ACYP2: variants seen among roughly 807,000 people sequenced by gnomAD.
The protein encoded by ACYP2 is acylphosphatase 2.
Under a neutral mutation model 11.2 loss-of-function variants are expected in ACYP2, and 12 were observed. The observed-to-expected ratio is 1.08, with a 90% CI of 0.69 to 1.74. The LOEUF (loss-of-function observed/expected upper bound fraction) is 1.74. Among genes scored for constraint, ACYP2 ranks in the 40% most tolerant of loss-of-function variants. ACYP2 has a pLI of 0.00. For missense variants in ACYP2, 134 were observed against 101.9 expected, an observed-to-expected ratio of 1.31 and a Z score of -1.35; for synonymous variants, 43 against 32.2, an observed-to-expected ratio of 1.33 and a Z score of -1.13.
At chr2:54,200,133 G>C (rs2103905383) in intron 6 of ACYP2, among the ~76,000 whole-genome samples, 1 of 152,276 alleles carries the variant, frequency 6.6e-6, no homozygotes, top group South Asian at 2.1e-4. Flanking sequence ...AAGATGTGGA[G>C]TCAAAAAATC....
chr2:54,085,147 G>T (rs925835675), intron 4 of ACYP2: 3 of 152,200 alleles, frequency 2.0e-5, no homozygotes, highest in African/African-American at 7.2e-5. Flanking sequence ...ATATATTCCT[G>T]GTCAGGGCCA....
chr2:54,257,053 T>G (rs1274467864), intron 6 of ACYP2, among the ~76,000 whole-genome samples: 3 of 152,122 alleles, frequency 2.0e-5, no homozygotes, highest in African/African-American at 7.2e-5. Context: ...CCCCTTTACC[T>G]TAGTGTTTTT....
intron 4 of ACYP2, chr2:54,115,706 C>T (rs760334974): frequency 1.2e-6 from 2 of 1,612,772 alleles, no homozygotes; most frequent in South Asian, 1.1e-5. Flanking sequence ...GCCATGTCTA[C>T]CGCCCAGTCA....
At chr2:54,124,473 G>C (rs894701199) in intron 4 of ACYP2, among the ~76,000 whole-genome samples, 2 of 152,160 alleles carry the variant, frequency 1.3e-5, no homozygotes, top group Non-Finnish European at 2.9e-5. Flanking sequence ...TGGGATTACA[G>C]GTGTGAGCCA....
intron 6 of ACYP2, among the ~76,000 whole-genome samples, chr2:54,171,546 T>C (rs534117159): frequency 1.3e-5 from 2 of 152,348 alleles, no homozygotes; most frequent in East Asian, 1.9e-4. Context: ...GCTAAATACA[T>C]TATTAACCTG....
At chr2:54,023,584 A>T (rs1391662766) in intron 2 of ACYP2, among the ~76,000 whole-genome samples, 1 of 152,098 alleles carries the variant, frequency 6.6e-6, no homozygotes, top group Non-Finnish European at 1.5e-5. Flanking sequence ...TTGCATTGTG[A>T]CTTGATTTGC....
At chr2:54,068,422 A>G (rs566542051) in intron 4 of ACYP2, among the ~76,000 whole-genome samples, 9 of 152,308 alleles carry the variant, frequency 5.9e-5, no homozygotes, top group Non-Finnish European at 1.0e-4. Context: ...TTAGGACTTG[A>G]GAGGGAATAA....
At chr2:54,226,695 C>T (rs1686025519) in intron 6 of ACYP2, among the ~76,000 whole-genome samples, 1 of 152,174 alleles carries the variant, frequency 6.6e-6, no homozygotes. Context: ...ATTTGATGTT[C>T]TTGTCCCAGG....
chr2:54,035,774 C>T (rs1674866632), intron 2 of ACYP2, among the ~76,000 whole-genome samples: 1 of 151,998 alleles, frequency 6.6e-6, no homozygotes, highest in African/African-American at 2.4e-5. Context: ...TAGATGTTTC[C>T]TTCTTATAAT....
chr2:54,015,015 A>T (rs1673600848), intron 2 of ACYP2, among the ~76,000 whole-genome samples: 1 of 152,284 alleles, frequency 6.6e-6, no homozygotes, highest in South Asian at 2.1e-4. Context: ...ATCTTTGGCT[A>T]CTCAAAGTGG....
At chr2:54,244,201 G>GTATT (rs1483095699) in intron 6 of ACYP2, among the ~76,000 whole-genome samples, 3 of 151,764 alleles carry the variant, frequency 2.0e-5, no homozygotes, top group Admixed American at 6.6e-5. Flanking sequence ...ATGTATTTAT[G>GTATT]TATTTATTTA....
rs145397701 is a variant in ACYP2 at position 54,207,897 on chromosome 2, G to A, written c.404+69149G>A. Reference sequence around the variant, plus strand: ...CATTCAATATTGGGCAATTTTGAACGCATACTTAGAAGAGCGGCCAAAATG... The same window carrying A: ...CATTCAATATTGGGCAATTTTGAACACATACTTAGAAGAGCGGCCAAAATG... On this transcript the variant is annotated intron_variant, in intron 6 of 6. Coordinates refer to ENST00000607452, the MANE Select transcript of ACYP2 (RefSeq NM_001320586.2). Among the ~76,000 whole-genome samples, 615 of 152,240 alleles carry A rather than the reference G, an allele frequency of 4.0e-3. 6 individuals are homozygous for A. The highest frequency in any genetic ancestry group is 0.014 in the African/African-American group (587 of 41,538).
intron 2 of ACYP2, among the ~76,000 whole-genome samples, chr2:54,006,249 G>A (rs910350377): frequency 6.6e-6 from 1 of 152,054 alleles, no homozygotes; most frequent in Non-Finnish European, 1.5e-5. Context: ...CTGGGTTCAA[G>A]CGATTCTCCT....
At chr2:54,188,697 G>C (rs143196837) in intron 6 of ACYP2, among the ~76,000 whole-genome samples, 2 of 152,224 alleles carry the variant, frequency 1.3e-5, no homozygotes, top group East Asian at 1.9e-4. Flanking sequence ...CTACTCACAA[G>C]TATGGTCCAT....
intron 6 of ACYP2, among the ~76,000 whole-genome samples, chr2:54,199,208 C>T (rs1272334738): frequency 6.6e-6 from 1 of 152,194 alleles, no homozygotes; most frequent in Non-Finnish European, 1.5e-5. Flanking sequence ...TTACTTCATA[C>T]TTGCTTCTAG....
intron 6 of ACYP2, among the ~76,000 whole-genome samples, chr2:54,301,920 C>T (rs978491520): frequency 6.6e-6 from 1 of 152,132 alleles, no homozygotes; most frequent in African/African-American, 2.4e-5. Flanking sequence ...TTCCTAGCAA[C>T]AGGGGAAGCA....
chr2:54,285,941 C>G, intron 6 of ACYP2, among the ~76,000 whole-genome samples: 1 of 152,152 alleles, frequency 6.6e-6, no homozygotes, highest in Admixed American at 6.5e-5. Flanking sequence ...AGTTGTCATA[C>G]CTGTCCTGGA....
At chr2:54,019,704 C>G (rs187143379) in intron 2 of ACYP2, among the ~76,000 whole-genome samples, 1 of 152,132 alleles carries the variant, frequency 6.6e-6, no homozygotes, top group Admixed American at 6.5e-5. Flanking sequence ...ACTGCAGCCT[C>G]TGCCTCCCGG....
chr2:54,036,986 G>A (rs967344019), intron 2 of ACYP2, among the ~76,000 whole-genome samples: 2 of 152,162 alleles, frequency 1.3e-5, no homozygotes, highest in African/African-American at 2.4e-5. Flanking sequence ...ACTTAGAGTT[G>A]TGTGAAGTAA....
Sources: allele counts gnomAD v4.1 joint callset (sites outside exome capture counted in the v4.1 genomes callset), GRCh38; gene constraint gnomAD v4.1.1; transcripts MANE v1.5; gene names NCBI Gene and HGNC (gene_info 2026-07-23, HGNC 2026-07-21).